Variants in FMNL2 observed in about 807,000 individuals in gnomAD.
The protein encoded by FMNL2 is formin like 2, also known as formin-like protein 2.
In FMNL2, 51 loss-of-function variants were observed where a neutral mutation model predicts 130.2. That is an observed-to-expected ratio of 0.39 (90% CI 0.31 to 0.49). The LOEUF is 0.49. FMNL2 is among the 20% of genes least tolerant of loss of function. The probability of loss-of-function intolerance (pLI) is 0.85; values close to 1 mark genes in which losing one functional copy is unlikely to be tolerated. For synonymous variants in FMNL2, 465 were observed against 467.1 expected (o/e 1.00, Z 0.06); for missense variants, 977 against 1,316.2 (o/e 0.74, Z 3.99).
At chr2:152,504,257 G>T (rs1692023268) in intron 1 of FMNL2, among the ~76,000 whole-genome samples, 1 of 148,628 alleles carries the variant, frequency 6.7e-6, no homozygotes, top group Non-Finnish European at 1.5e-5. Context: ...ATGCAGGGAG[G>T]CTTTTTTTTT....
intron 18 of FMNL2, 82 bp from the exon 19 acceptor site, chr2:152,629,574 T>C (rs564859257): frequency 7.8e-7 from 1 of 1,288,638 alleles, no homozygotes; most frequent in East Asian, 2.5e-5. Flanking sequence ...TGTTTTCTTC[T>C]GTCTTAATAT....
intron 4 of FMNL2, among the ~76,000 whole-genome samples, chr2:152,549,693 T>C (rs1694832378): frequency 6.6e-6 from 1 of 152,202 alleles, no homozygotes; most frequent in Admixed American, 6.5e-5. Context: ...GACAATGACA[T>C]GGTGCTTTGC....
chr2:152,642,344 A>G (rs1028579644), intron 25 of FMNL2, among the ~76,000 whole-genome samples: 1 of 152,226 alleles, frequency 6.6e-6, no homozygotes, highest in Non-Finnish European at 1.5e-5. Context: ...GAAATTAAAT[A>G]CATAGGTTAG....
intron 1 of FMNL2, among the ~76,000 whole-genome samples, chr2:152,410,716 A>G (rs1230668256): frequency 6.6e-6 from 1 of 152,204 alleles, no homozygotes; most frequent in Non-Finnish European, 1.5e-5. Context: ...ACTCATGGTG[A>G]ATGCTTGAAC....
chr2:152,373,436 A>G (rs1013798882), intron 1 of FMNL2, among the ~76,000 whole-genome samples: 1 of 152,154 alleles, frequency 6.6e-6, no homozygotes, highest in Non-Finnish European at 1.5e-5. Context: ...GAGATTTTGA[A>G]GGAAATCCCT....
chr2:152,353,575 C>T (rs1167183446), intron 1 of FMNL2, among the ~76,000 whole-genome samples: 1 of 152,152 alleles, frequency 6.6e-6, no homozygotes, highest in Non-Finnish European at 1.5e-5. Flanking sequence ...TTGGACTAAA[C>T]CTGAGTTTGA....
At chr2:152,530,236 T>C (rs1372561314) in intron 2 of FMNL2, among the ~76,000 whole-genome samples, 4 of 152,224 alleles carry the variant, frequency 2.6e-5, no homozygotes, top group Non-Finnish European at 5.9e-5. Context: ...AAATGATTTA[T>C]TAAGGCAGGT....
rs768443718 is a variant in FMNL2, at chr2:152,628,276, A to AATCT, written c.2166-22_2166-19dup. The AATCT allele has an allele frequency of 5.6e-6, 9 of 1,605,128 alleles. No individual in the cohort carries two copies. The East Asian group carries it at 1.8e-4, about 32-fold the overall frequency. On this transcript the variant is annotated intron_variant, in intron 17 of 25. Coordinates refer to ENST00000288670, the MANE Select transcript of FMNL2 (RefSeq NM_052905.4). ...GTAGGAGGTTTTTCTCTCTAATGCT[A>AATCT]ATCTCTCCACATCTGTCTTTAGATT...
chr2:152,497,577 G>A (rs1691581540), intron 1 of FMNL2, among the ~76,000 whole-genome samples: 1 of 152,040 alleles, frequency 6.6e-6, no homozygotes, highest in Non-Finnish European at 1.5e-5. Context: ...TCTTTCTGTA[G>A]ATAATCTCAT....
chr2:152,542,174 C>T (rs576759827), intron 2 of FMNL2, among the ~76,000 whole-genome samples: 5 of 152,208 alleles, frequency 3.3e-5, no homozygotes, highest in Middle Eastern at 6.8e-3. Flanking sequence ...CCATTCATGT[C>T]GGCACACACA....
intron 6 of FMNL2, among the ~76,000 whole-genome samples, chr2:152,569,467 G>A (rs74951040): frequency 0.019 from 2,847 of 152,154 alleles, 101 homozygotes; most frequent in African/African-American, 0.065. Context: ...GTAGGTGGCT[G>A]GGTGCAGTTG....
intron 8 of FMNL2, among the ~76,000 whole-genome samples, 187 bp downstream of exon 8, chr2:152,579,151 T>G (rs1276540800): frequency 6.6e-6 from 1 of 152,302 alleles, no homozygotes; most frequent in African/African-American, 2.4e-5. Context: ...TGGGCCAGAG[T>G]TGAGCAACTG....
At chr2:152,609,260 G>A (rs1235854735) in intron 10 of FMNL2, among the ~76,000 whole-genome samples, 3 of 152,202 alleles carry the variant, frequency 2.0e-5, no homozygotes, top group Non-Finnish European at 2.9e-5. Context: ...AGATTCATGT[G>A]TCACCTTCAG....
intron 1 of FMNL2, among the ~76,000 whole-genome samples, chr2:152,389,055 C>CTT (rs144181669): frequency 2.6e-5 from 4 of 151,780 alleles, no homozygotes; most frequent in Non-Finnish European, 5.9e-5. Context: ...AATCTAAATG[C>CTT]TGTTTTTCAA....
intron 1 of FMNL2, among the ~76,000 whole-genome samples, chr2:152,336,659 A>G (rs1681474777): frequency 6.6e-6 from 1 of 152,158 alleles, no homozygotes. Flanking sequence ...TGCCCCAGCC[A>G]GGATCTGGAC....
chr2:152,628,037 T>G (rs752041940), intron 17 of FMNL2, among the ~76,000 whole-genome samples: 2 of 152,236 alleles, frequency 1.3e-5, no homozygotes, highest in Non-Finnish European at 2.9e-5. Context: ...GCTATGCCAG[T>G]ACCCTAAAAA....
chr2:152,646,221 A>G (rs1004967399), intron 25 of FMNL2, among the ~76,000 whole-genome samples: 1 of 151,634 alleles, frequency 6.6e-6, no homozygotes, highest in Non-Finnish European at 1.5e-5. Flanking sequence ...TAGCCCAGCT[A>G]CCTGGGACGC....
At chr2:152,412,466 A>G (rs1460269767) in intron 1 of FMNL2, among the ~76,000 whole-genome samples, 11 of 12,012 alleles carry the variant, frequency 9.2e-4, no homozygotes, top group African/African-American at 2.3e-3. Flanking sequence ...ATATATATAT[A>G]TATATATATA....
chr2:152,506,891 T>C (rs1251439001), intron 1 of FMNL2, among the ~76,000 whole-genome samples: 1 of 152,250 alleles, frequency 6.6e-6, no homozygotes, highest in Non-Finnish European at 1.5e-5. Context: ...TCAATATGTG[T>C]GTAGCTATGG....
Sources: allele counts gnomAD v4.1 joint callset (sites outside exome capture counted in the v4.1 genomes callset), GRCh38; gene constraint gnomAD v4.1.1; transcripts MANE v1.5; gene names NCBI Gene and HGNC (gene_info 2026-07-23, HGNC 2026-07-21).